Variants in MYORG observed in about 807,000 individuals in gnomAD.
The protein encoded by MYORG is alpha-galactosidase MYORG.
Under a neutral mutation model 49.8 loss-of-function variants are expected in MYORG, and 45 were observed. That is an observed-to-expected ratio of 0.90 (90% CI 0.71 to 1.16). The LOEUF (loss-of-function observed/expected upper bound fraction) is 1.16. Ranked by LOEUF, MYORG falls within the 50% of genes most tolerant of loss-of-function variation. The pLI, the probability that MYORG is intolerant of heterozygous loss-of-function variation, is 0.00. For synonymous variants in MYORG, 552 were observed against 462.9 expected, an observed-to-expected ratio of 1.19 and a Z score of -2.47; for missense variants, 1,110 against 1,026.5, an observed-to-expected ratio of 1.08 and a Z score of -1.11.
In MYORG at chr9:34,370,043, C is replaced by T. The variant is rs997787530; in HGVS notation, c.*756G>A. On this transcript the variant is annotated 3_prime_UTR_variant, in exon 2 of 2. Transcript: ENST00000297625. Reference sequence around the variant, plus strand: ...TCTCTCACACACACACACGCACACTCTTCAGTTAAGGCACGAAGTCTGGCC... The same window carrying T: ...TCTCTCACACACACACACGCACACTTTTCAGTTAAGGCACGAAGTCTGGCC... The T allele has an allele frequency of 2.6e-5, 4 of 152,870 alleles. No individual in the cohort carries two copies. Among genetic ancestry groups the T allele is most frequent in the Admixed American group, 2.6e-4 (4 of 15,290 alleles). The allele number at this position is 152,870 out of a possible 1,614,324, so 9.5% of individuals were successfully genotyped here. A position where few individuals can be genotyped will look rare whatever the true frequency, so the allele number is the denominator to read the frequency against.
In MYORG at chr9:34,368,193, C is replaced by T. The variant is rs1820529820; in HGVS notation, c.*2606G>A. On this transcript the variant is annotated 3_prime_UTR_variant, in exon 2 of 2. Transcript: ENST00000297625. Reference sequence around the variant, plus strand: ...TGCACACAGCAAGGGGACCTTGGGCCTGGCCCACAAAACCATTTTTTCCCT... The same window carrying T: ...TGCACACAGCAAGGGGACCTTGGGCTTGGCCCACAAAACCATTTTTTCCCT... 1 of 152,280 alleles carries T rather than the reference C, an allele frequency of 6.6e-6. No individual in the cohort carries two copies. 9.4% of individuals were successfully genotyped at this position (152,280 alleles called of 1,614,324 possible). A position where few individuals can be genotyped will look rare whatever the true frequency, so the allele number is the denominator to read the frequency against.
Position 34,372,575 on chromosome 9 carries a change from G to A in MYORG, c.369C>T (p.Asp123=). The A allele has an allele frequency of 6.2e-7, 1 of 1,603,358 alleles. No individual in the cohort carries two copies. Among genetic ancestry groups the A allele is most frequent in the Non-Finnish European group, 8.5e-7 (1 of 1,175,514 alleles). The change falls in exon 2 of 2, where the codon GAC becomes GAT. Residue 123 remains aspartate (D), a synonymous_variant. Coordinates refer to ENST00000297625, the MANE Select transcript of MYORG (RefSeq NM_020702.5). ...GCAGGGCGCCATCGCGGCTGCAGGA[G>A]TCAAGGTCCAGCGCGCCGGAGCGGA... ...LAFRSGALDL[D]SCSRDGALLG... is the part of the protein sequence containing the mutation.
Position 34,371,394 on chromosome 9 carries a change from C to A in MYORG, c.1550G>T (p.Arg517Leu). Reference sequence around the variant, plus strand: ...CCACACAGAGTCGCGATCCACCAGGCGGAAGAAGCAGGAGATGTTCTGTGA... The same window carrying A: ...CCACACAGAGTCGCGATCCACCAGGAGGAAGAAGCAGGAGATGTTCTGTGA... ...YQSQNISCFF[R>L]LVDRDSVWGY... Residue 517 changes from arginine to leucine, a missense_variant, in exon 2 of 2, where the codon CGC (arginine) becomes CTC (leucine). Transcript: ENST00000297625. 1.2e-6 allele frequency: 2 copies of A among 1,613,242 alleles called. No homozygotes were observed. Among genetic ancestry groups the A allele is most frequent in the East Asian group, 2.2e-5 (1 of 44,872 alleles).
Position 34,371,349 on chromosome 9 carries a change from C to G in MYORG, c.1595G>C (p.Arg532Pro), listed in dbSNP as rs771695159. 6.2e-7 allele frequency: 1 copy of G among 1,612,812 alleles called. No individual in the cohort carries two copies. Among genetic ancestry groups the G allele is most frequent in the Non-Finnish European group, 8.5e-7 (1 of 1,179,602 alleles). ...DSVWGYDLGL[R>P]SLIPAVLTVS... ...GGTGAGCACCGCGGGGATGAGTGAG[C>G]GCAACCCCAGGTCGTAGCCCCACAC... is the stretch of plus-strand genomic sequence containing the variant. The change falls in exon 2 of 2, where the codon CGC becomes CCC. Residue 532 changes from arginine to proline, a missense_variant. Arg to Pro is a moderately radical substitution (Grantham distance 103, BLOSUM62 -2). Transcript: ENST00000297625.
At position 34,367,399 on chromosome 9, in the gene MYORG, CA is replaced by C. The variant is rs1249991628; in HGVS notation, c.*3399del. The C allele has an allele frequency of 2.0e-5, 3 of 152,298 alleles. No homozygotes were observed. Among genetic ancestry groups the C allele is most frequent in the African/African-American group, 4.8e-5 (2 of 41,548 alleles). 9.4% of individuals were successfully genotyped at this position (152,298 alleles called of 1,614,324 possible). On this transcript the variant is annotated 3_prime_UTR_variant, in exon 2 of 2. Transcript: ENST00000297625. ...GTCTTAACTCATTTCAGCATTAACTCAAAAGTCCATACTCCAAAGTCTCATC... is the reference window on the plus strand; with the variant it reads ...GTCTTAACTCATTTCAGCATTAACTCAAAGTCCATACTCCAAAGTCTCATC...
In MYORG at chr9:34,370,926, C is replaced by A; in HGVS notation, c.2018G>T (p.Arg673Leu). 1 of 1,613,452 alleles carries A rather than the reference C, an allele frequency of 6.2e-7. No individual in the cohort carries two copies. Among genetic ancestry groups the A allele is most frequent in the Non-Finnish European group, 8.5e-7 (1 of 1,179,752 alleles). The change falls in exon 2 of 2, where the codon CGC (arginine) becomes CTC (leucine). Residue 673 changes from arginine to leucine, a missense_variant. Physicochemically the swap from Arg to Leu is moderately radical, Grantham distance 102. Transcript: ENST00000297625. The stretch of plus-strand genomic sequence containing the variant: ...CTTGCCGGCGGGCAAATAGACGTCG[C>A]GCTCCTGCTTGCCTGGCTCCAGCAC... ...APVLEPGKQE[R>L]DVYLPAGKWR...
chr9:34,371,374 C>CA lies in MYORG; in HGVS notation c.1569dup (p.Val524CysfsTer98). Reference sequence around the variant, plus strand: ...CGCAACCCCAGGTCGTAGCCCCACACAGAGTCGCGATCCACCAGGCGGAAG... The same window carrying CA: ...CGCAACCCCAGGTCGTAGCCCCACACAAGAGTCGCGATCCACCAGGCGGAAG... On this transcript the variant is annotated frameshift_variant, in exon 2 of 2. Transcript: ENST00000297625. LOFTEE classifies it high-confidence loss of function. The CA allele has an allele frequency of 6.2e-7, 1 of 1,613,170 alleles. No homozygotes were observed.
intron 1 of MYORG, among the ~76,000 whole-genome samples, chr9:34,375,101 C>CG (rs1471228246): frequency 3.9e-5 from 6 of 152,066 alleles, no homozygotes; most frequent in Non-Finnish European, 8.8e-5. Flanking sequence ...TGCTCCAGCT[C>CG]GGGGGAAGAA....
In MYORG at chr9:34,367,399, C is replaced by G. The variant is rs1820517015; in HGVS notation, c.*3400G>C. 1.3e-5 allele frequency: 2 copies of G among 152,180 alleles called. No individual in the cohort carries two copies. Among genetic ancestry groups the G allele is most frequent in the Non-Finnish European group, 2.9e-5 (2 of 68,040 alleles). 9.4% of individuals were successfully genotyped at this position (152,180 alleles called of 1,614,324 possible). A position where few individuals can be genotyped will look rare whatever the true frequency, so the allele number is the denominator to read the frequency against. Reference sequence around the variant, plus strand: ...GTCTTAACTCATTTCAGCATTAACTCAAAAGTCCATACTCCAAAGTCTCAT... The same window carrying G: ...GTCTTAACTCATTTCAGCATTAACTGAAAAGTCCATACTCCAAAGTCTCAT... On this transcript the variant is annotated 3_prime_UTR_variant, in exon 2 of 2. Transcript: ENST00000297625.
In MYORG at chr9:34,371,307, T is replaced by C; in HGVS notation, c.1637A>G (p.Tyr546Cys). 1.9e-6 allele frequency: 3 copies of C among 1,611,618 alleles called. No individual in the cohort carries two copies. Among genetic ancestry groups the C allele is most frequent in the Non-Finnish European group, 2.5e-6 (3 of 1,179,246 alleles). Residue 546 changes from tyrosine (Y) to cysteine (C), a missense_variant, in exon 2 of 2, where the codon TAC becomes TGC. Coordinates refer to ENST00000297625, the MANE Select transcript of MYORG (RefSeq NM_020702.5). ...CACCATATCGGGTAGGATGAATGGG[T>C]AGCCCAGCATGCTGACGGTGAGCAC... ...PAVLTVSMLG[Y>C]PFILPDMVGG...
At chr9:34,373,661 C>T (rs757717251) in intron 1 of MYORG, among the ~76,000 whole-genome samples, 61 of 152,186 alleles carry the variant, frequency 4.0e-4, no homozygotes, top group Non-Finnish European at 4.9e-4. Context: ...CCATGTTGGT[C>T]AGGCTGGCTT....
At position 34,367,265 on chromosome 9, in the gene MYORG, A is replaced by G. The variant is rs2131873747; in HGVS notation, c.*3534T>C. On this transcript the variant is annotated 3_prime_UTR_variant, in exon 2 of 2. Transcript: ENST00000297625. ...ATTATGGGAGCTACAATTTAAGGTG[A>G]TATTTGGATGGGGACACAGCCAAAC... is the stretch of plus-strand genomic sequence containing the variant. The G allele has an allele frequency of 6.6e-6, 1 of 152,252 alleles. No homozygotes were observed. Among genetic ancestry groups the G allele is most frequent in the East Asian group, 1.9e-4 (1 of 5,180 alleles). The allele number at this position is 152,252 out of a possible 1,614,324, so 9.4% of individuals were successfully genotyped here.
chr9:34,369,094 T>C lies in MYORG; in HGVS notation c.*1705A>G, dbSNP rs1440749751. On this transcript the variant is annotated 3_prime_UTR_variant, in exon 2 of 2. Transcript: ENST00000297625. ...GATCTATTCACTATCACCAGAACAG[T>C]ATGGCGGAAACTGCCCCCATATTTC... 1 of 152,148 alleles carries C rather than the reference T, an allele frequency of 6.6e-6. No homozygotes were observed. Among genetic ancestry groups the C allele is most frequent in the Non-Finnish European group, 1.5e-5 (1 of 68,032 alleles). The allele number at this position is 152,148 out of a possible 1,614,324, so 9.4% of individuals were successfully genotyped here.
intron 1 of MYORG, among the ~76,000 whole-genome samples, chr9:34,374,620 C>T (rs1470339064): frequency 2.0e-5 from 3 of 151,794 alleles, no homozygotes; most frequent in African/African-American, 4.8e-5. Context: ...AGGCCATGCA[C>T]GGTGCTCATG....
Position 34,370,861 on chromosome 9 carries a change from C to A in MYORG, c.2083G>T (p.Val695Leu), listed in dbSNP as rs773635749. 1.3e-5 allele frequency: 21 copies of A among 1,606,862 alleles called. No homozygotes were observed. In the African/African-American group the frequency reaches 2.4e-4, roughly 18 times the overall value. ...YKGELFDKTP[V>L]LLTDYPVDLD... ...TCGACCGGGTAATCGGTGAGCAGCA[C>A]CGGCGTCTTGTCGAAAAGCTCACCC... is the stretch of plus-strand genomic sequence containing the variant. The change falls in exon 2 of 2, where the codon GTG (valine) becomes TTG (leucine). Residue 695 changes from valine (V) to leucine (L), a missense_variant. Physicochemically the swap from Val to Leu is conservative, Grantham distance 32. Coordinates refer to ENST00000297625, the MANE Select transcript of MYORG (RefSeq NM_020702.5).
rs1820613928 is a variant in MYORG at position 34,372,003 on chromosome 9, C to T, written c.941G>A (p.Arg314Gln). 3.7e-6 allele frequency: 6 copies of T among 1,613,892 alleles called. No individual in the cohort carries two copies. The Admixed American group carries it at 6.7e-5, about 18-fold the overall frequency. The change falls in exon 2 of 2, where the codon CGA (arginine) becomes CAA (glutamine). Residue 314 changes from arginine (R) to glutamine (Q), a missense_variant. Coordinates refer to ENST00000297625, the MANE Select transcript of MYORG (RefSeq NM_020702.5). ...CGCCCATGTGGACCAAATGGGGTCTCGGAAGGCCTCGGGTGCTGGCACCCT... is the reference window on the plus strand; with the variant it reads ...CGCCCATGTGGACCAAATGGGGTCTTGGAAGGCCTCGGGTGCTGGCACCCT... ...PSRVPAPEAFRDPIWSTWALY... is the reference protein window; with the variant it reads ...PSRVPAPEAFQDPIWSTWALY...
At position 34,368,997 on chromosome 9, in the gene MYORG, A is replaced by G. The variant is rs919875244; in HGVS notation, c.*1802T>C. 2 of 152,246 alleles carry G rather than the reference A, an allele frequency of 1.3e-5. No homozygotes were observed. Among genetic ancestry groups the G allele is most frequent in the Admixed American group, 6.5e-5 (1 of 15,282 alleles). 9.4% of individuals were successfully genotyped at this position (152,246 alleles called of 1,614,324 possible). A position where few individuals can be genotyped will look rare whatever the true frequency, so the allele number is the denominator to read the frequency against. On this transcript the variant is annotated 3_prime_UTR_variant, in exon 2 of 2. Transcript: ENST00000297625. ...AGCATGACAGAAAGGCACGTCTTAC[A>G]TGGCGGCAGGCAAGAGAGAATGAGA...
rs1423584047 is a variant in MYORG at position 34,371,413 on chromosome 9, T to A, written c.1531A>T (p.Asn511Tyr). 1 of 1,613,300 alleles carries A rather than the reference T, an allele frequency of 6.2e-7. No homozygotes were observed. Among genetic ancestry groups the A allele is most frequent in the South Asian group, 1.1e-5 (1 of 91,072 alleles). ...AEVRVGYQSQNISCFFRLVDR... is the reference protein window; with the variant it reads ...AEVRVGYQSQYISCFFRLVDR... Reference sequence around the variant, plus strand: ...ACCAGGCGGAAGAAGCAGGAGATGTTCTGTGACTGGTAGCCTACGCGCACC... The same window carrying A: ...ACCAGGCGGAAGAAGCAGGAGATGTACTGTGACTGGTAGCCTACGCGCACC... Residue 511 changes from asparagine to tyrosine, a missense_variant, in exon 2 of 2, where the codon AAC (asparagine) becomes TAC (tyrosine). Coordinates refer to ENST00000297625, the MANE Select transcript of MYORG (RefSeq NM_020702.5).
In MYORG at chr9:34,373,022, A is replaced by G. The variant is rs958741504; in HGVS notation, c.-63-16T>C. On this transcript the variant is annotated splice_polypyrimidine_tract_variant and intron_variant, in intron 1 of 1. Transcript: ENST00000297625. ...TCAACCTGCTCTGAAAGGAGGAGAC[A>G]GAGATGGAACTGAGCTATCTCATCC... 6.6e-7 allele frequency: 1 copy of G among 1,506,090 alleles called. No individual in the cohort carries two copies. Among genetic ancestry groups the G allele is most frequent in the Middle Eastern group, 2.1e-4 (1 of 4,712 alleles). The allele number at this position is 1,506,090 out of a possible 1,614,324, so 93.3% of individuals were successfully genotyped here.
Sources: allele counts gnomAD v4.1 joint callset (sites outside exome capture counted in the v4.1 genomes callset), GRCh38; gene constraint gnomAD v4.1.1; transcripts MANE v1.5; gene names NCBI Gene and HGNC (gene_info 2026-07-23, HGNC 2026-07-21).